Variants in SH3GL3 observed in about 807,000 individuals in gnomAD.
SH3GL3 encodes endophilin-A3.
SH3GL3 carries 33 observed loss-of-function variants against 47.7 expected under a neutral mutation model. That is an observed-to-expected ratio of 0.69 (90% CI 0.52 to 0.92). The LOEUF is 0.92. Among genes scored for constraint, SH3GL3 ranks in the 40% least tolerant of loss-of-function variants. The pLI is 0.00. For missense variants in SH3GL3, 363 were observed against 417.8 expected, an observed-to-expected ratio of 0.87 and a Z score of 1.14; for synonymous variants, 155 against 148.8, an observed-to-expected ratio of 1.04 and a Z score of -0.30.
In SH3GL3 at chr15:83,609,554, C is replaced by A. The variant is rs576614798; in HGVS notation, c.839-8528C>A. On this transcript the variant is annotated intron_variant, in intron 8 of 8. Transcript: ENST00000427482. ...GTATGAATTACTTCTCTCTCCATCC[C>A]CTTTGCCCCTTGAAATAACTATGGG... 5.1e-5 allele frequency: 15 copies of A among 293,960 alleles called. 1 individual carries two copies. Among genetic ancestry groups the A allele is most frequent in the African/African-American group, 3.0e-4 (14 of 45,954 alleles). The allele number at this position is 293,960 out of a possible 1,614,324, so 18.2% of individuals were successfully genotyped here.
chr15:83,619,275 C>G (rs916525548), downstream of SH3GL3, among the ~76,000 whole-genome samples: 3 of 152,212 alleles, frequency 2.0e-5, no homozygotes, highest in Non-Finnish European at 4.4e-5. Flanking sequence ...ATTGCAGGTT[C>G]TGTTCCTGGC....
At chr15:83,475,220 G>A (rs1384112772) in intron 1 of SH3GL3, among the ~76,000 whole-genome samples, 3 of 151,990 alleles carry the variant, frequency 2.0e-5, no homozygotes, top group African/African-American at 7.2e-5. Context: ...GCTCACGCCT[G>A]TAATCCAAGC....
chr15:83,633,759 G>A, the SH3GL3 span, among the ~76,000 whole-genome samples: 1 of 152,064 alleles, frequency 6.6e-6, no homozygotes, highest in African/African-American at 2.4e-5. Context: ...CCTTAAATCT[G>A]GAAGCCTGTA....
intron 1 of SH3GL3, among the ~76,000 whole-genome samples, chr15:83,532,943 A>G (rs1244109817): frequency 2.0e-5 from 3 of 152,250 alleles, no homozygotes; most frequent in Non-Finnish European, 4.4e-5. Flanking sequence ...ATAATGAGAC[A>G]TATGACTACC....
chr15:83,456,867 A>G (rs1408338109), intron 1 of SH3GL3, among the ~76,000 whole-genome samples: 1 of 152,174 alleles, frequency 6.6e-6, no homozygotes, highest in Non-Finnish European at 1.5e-5. Context: ...GCATAGTTAA[A>G]TATTTTTTCT....
chr15:83,619,687 A>T (rs1354824268), downstream of SH3GL3, among the ~76,000 whole-genome samples: 3 of 152,254 alleles, frequency 2.0e-5, no homozygotes, highest in African/African-American at 7.2e-5. Context: ...GCTAATGATT[A>T]TCTGAGCCTT....
intron 1 of SH3GL3, among the ~76,000 whole-genome samples, chr15:83,552,091 T>C (rs1158345209): frequency 6.6e-6 from 1 of 152,188 alleles, no homozygotes; most frequent in African/African-American, 2.4e-5. Flanking sequence ...AGAATAGTAT[T>C]GATCTCATTG....
At chr15:83,473,945 G>C (rs2040973340) in intron 1 of SH3GL3, among the ~76,000 whole-genome samples, 1 of 151,668 alleles carries the variant, frequency 6.6e-6, no homozygotes. Flanking sequence ...AGAAAACTGA[G>C]AGAACCCATG....
chr15:83,491,737 C>G (rs1669045393), intron 1 of SH3GL3, among the ~76,000 whole-genome samples: 1 of 152,188 alleles, frequency 6.6e-6, no homozygotes, highest in African/African-American at 2.4e-5. Context: ...TTGAGTCACA[C>G]AGAGCCTGAC....
intron 6 of SH3GL3, among the ~76,000 whole-genome samples, chr15:83,579,640 C>G (rs956338911): frequency 1.3e-5 from 2 of 152,160 alleles, no homozygotes; most frequent in Non-Finnish European, 2.9e-5. Flanking sequence ...ATGACAAGAG[C>G]TACCATTCAC....
intron 1 of SH3GL3, among the ~76,000 whole-genome samples, chr15:83,464,497 G>A (rs1324740627): frequency 1.3e-5 from 2 of 152,122 alleles, no homozygotes; most frequent in Non-Finnish European, 2.9e-5. Flanking sequence ...ACAAATCTAA[G>A]TGCCTGCATC....
At chr15:83,540,301 A>G (rs72760342) in intron 1 of SH3GL3, among the ~76,000 whole-genome samples, 2,001 of 152,282 alleles carry the variant, frequency 0.013, 24 homozygotes, top group Non-Finnish European at 0.022. Flanking sequence ...AGTGTTCTAC[A>G]TATGATGGTT....
intron 1 of SH3GL3, among the ~76,000 whole-genome samples, chr15:83,541,312 A>ACT (rs2044146613): frequency 4.2e-5 from 2 of 47,340 alleles, no homozygotes; most frequent in Non-Finnish European, 8.3e-5. Context: ...TGGTAATTCT[A>ACT]TTTTTTTTTT....
intron 1 of SH3GL3, among the ~76,000 whole-genome samples, chr15:83,458,565 T>C (rs1177485423): frequency 6.6e-6 from 1 of 152,232 alleles, no homozygotes; most frequent in Non-Finnish European, 1.5e-5. Flanking sequence ...CTAGTGAATC[T>C]GATATCCGAG....
intron 6 of SH3GL3, among the ~76,000 whole-genome samples, chr15:83,578,163 C>T (rs1185481885): frequency 2.6e-5 from 4 of 152,144 alleles, no homozygotes; most frequent in African/African-American, 9.7e-5. Context: ...TTAAGGAGGA[C>T]GGTGACTCCT....
intron 1 of SH3GL3, among the ~76,000 whole-genome samples, chr15:83,533,931 T>C (rs1442233061): frequency 6.6e-6 from 1 of 152,244 alleles, no homozygotes; most frequent in African/African-American, 2.4e-5. Flanking sequence ...CTGGTGGTAC[T>C]AACTTTTTAA....
intron 8 of SH3GL3, among the ~76,000 whole-genome samples, chr15:83,598,447 A>T (rs1319461560): frequency 3.9e-5 from 6 of 152,204 alleles, no homozygotes; most frequent in African/African-American, 1.4e-4. Context: ...AGCAGTATTT[A>T]GTCTCATTTT....
intron 6 of SH3GL3, among the ~76,000 whole-genome samples, chr15:83,583,707 T>C (rs2059891583): frequency 6.6e-6 from 1 of 152,086 alleles, no homozygotes; most frequent in African/African-American, 2.4e-5. Context: ...GACACACGTG[T>C]GTCACTTGTG....
downstream of SH3GL3, among the ~76,000 whole-genome samples, chr15:83,621,444 G>A (rs893889105): frequency 2.6e-5 from 4 of 152,160 alleles, no homozygotes; most frequent in African/African-American, 9.7e-5. Context: ...GAATGGCCAG[G>A]CAGTGGAGCA....
Sources: allele counts gnomAD v4.1 joint callset (sites outside exome capture counted in the v4.1 genomes callset), GRCh38; gene constraint gnomAD v4.1.1; transcripts MANE v1.5; gene names NCBI Gene and HGNC (gene_info 2026-07-23, HGNC 2026-07-21).